MAP4K5: variants seen among roughly 807,000 people sequenced by gnomAD.
MAP4K5 encodes the protein mitogen-activated protein kinase kinase kinase kinase 5, also known as MAPK/ERK kinase kinase kinase 5.
In MAP4K5, 82 loss-of-function variants were observed where a neutral mutation model predicts 135.6. The observed-to-expected ratio is 0.60, with a 90% CI of 0.51 to 0.73. The LOEUF is 0.73. Among genes scored for constraint, MAP4K5 ranks in the 30% least tolerant of loss-of-function variants. MAP4K5 has a pLI of 0.00. For synonymous variants in MAP4K5, 347 were observed against 335.0 expected (o/e 1.04, Z -0.39); for missense variants, 907 against 1,010.9 (o/e 0.90, Z 1.39).
intron 2 of MAP4K5, among the ~76,000 whole-genome samples, chr14:50,512,438 GT>G (rs2037949371): frequency 6.6e-6 from 1 of 152,106 alleles, no homozygotes; most frequent in African/African-American, 2.4e-5. Context: ...AATAAAGATG[GT>G]GTTTTACAGT....
At chr14:50,557,422 T>C (rs982721430) in intron 1 of MAP4K5, among the ~76,000 whole-genome samples, 3 of 152,234 alleles carry the variant, frequency 2.0e-5, no homozygotes, top group African/African-American at 7.2e-5. Context: ...TTTCATATCC[T>C]TTCCTTTTTC....
chr14:50,456,553 C>T lies in MAP4K5; in HGVS notation c.978G>A (p.Arg326=). The change falls in exon 14 of 33, where the codon AGG becomes AGA. Residue 326 remains arginine, a synonymous_variant. Transcript: ENST00000682126. ...IIRHTIRSTN[R]NARAERTASE... is the part of the protein sequence containing the mutation. ...AAGCTGTCCGTTCAGCTCTGGCATTCCTGTTTGTAGATCTAATGGTATGAC... is the reference window on the plus strand; with the variant it reads ...AAGCTGTCCGTTCAGCTCTGGCATTTCTGTTTGTAGATCTAATGGTATGAC... 3.2e-6 allele frequency: 5 copies of T among 1,580,562 alleles called. No homozygotes were observed. The South Asian group carries it at 4.6e-5, about 15-fold the overall frequency.
chr14:50,423,541 G>A (rs945167903), intron 31 of MAP4K5, among the ~76,000 whole-genome samples: 4 of 151,926 alleles, frequency 2.6e-5, no homozygotes, highest in East Asian at 1.9e-4. Flanking sequence ...TCCTTTGGGG[G>A]CCAAGGCTTG....
intron 14 of MAP4K5, 100 bp downstream of exon 14, chr14:50,456,416 T>C: frequency 1.1e-6 from 1 of 872,310 alleles, no homozygotes; most frequent in Admixed American, 2.0e-5. Context: ...TGTTGAAGTA[T>C]GTAGCCTTAG....
chr14:50,487,007 C>T lies in MAP4K5; in HGVS notation c.167-813G>A, dbSNP rs572233968. ...TAGATAAATAAACAAAATCTTCACA[C>T]AAGTCAGAGATATTTTTTCCCTTTA... On this transcript the variant is annotated intron_variant, in intron 3 of 32. Transcript: ENST00000682126. 2.0e-5 allele frequency among the ~76,000 whole-genome samples: 3 copies of T among 152,306 alleles called. No homozygotes were observed. The South Asian group carries it at 6.2e-4, about 32-fold the overall frequency.
At chr14:50,557,667 T>G (rs572380398) in intron 1 of MAP4K5, among the ~76,000 whole-genome samples, 1 of 152,220 alleles carries the variant, frequency 6.6e-6, no homozygotes, top group Non-Finnish European at 1.5e-5. Flanking sequence ...ATGTTTATAT[T>G]TTCATACTAT....
intron 1 of MAP4K5, among the ~76,000 whole-genome samples, chr14:50,556,822 A>G (rs947328571): frequency 1.3e-5 from 2 of 152,200 alleles, no homozygotes; most frequent in African/African-American, 4.8e-5. Flanking sequence ...ATATATTGGT[A>G]CTCAATAACT....
intron 2 of MAP4K5, among the ~76,000 whole-genome samples, chr14:50,527,293 T>C (rs550239443): frequency 2.6e-5 from 4 of 152,128 alleles, no homozygotes; most frequent in Non-Finnish European, 4.4e-5. Flanking sequence ...TAAGCTGAGA[T>C]TGCGCCACCG....
At chr14:50,457,514 TG>T (rs2139785468) in intron 13 of MAP4K5, among the ~76,000 whole-genome samples, 1 of 152,260 alleles carries the variant, frequency 6.6e-6, no homozygotes, top group South Asian at 2.1e-4. Flanking sequence ...ACTCTCAAAG[TG>T]GCTCATTTGT....
At chr14:50,510,741 A>C (rs2037914720) in intron 2 of MAP4K5, among the ~76,000 whole-genome samples, 1 of 152,230 alleles carries the variant, frequency 6.6e-6, no homozygotes, top group Admixed American at 6.5e-5. Flanking sequence ...AAAATAATAT[A>C]AATCAGTGAA....
At chr14:50,443,850 C>T in intron 19 of MAP4K5, 80 bp from the exon 20 acceptor site, 1 of 1,476,904 alleles carries the variant, frequency 6.8e-7, no homozygotes, top group Non-Finnish European at 9.3e-7. Context: ...ACTTCTGTTA[C>T]TTGAATTACT....
chr14:50,526,941 A>G (rs1471835464), intron 2 of MAP4K5, among the ~76,000 whole-genome samples: 1 of 152,244 alleles, frequency 6.6e-6, no homozygotes, highest in Non-Finnish European at 1.5e-5. Flanking sequence ...TACGCAAATT[A>G]TAACATCATT....
At position 50,442,853 on chromosome 14, in the gene MAP4K5, T is replaced by G. The variant is rs779320421; in HGVS notation, c.1480-37A>C. ...AGAAAGAAATGTTAACTTATTTGATTAGAAAATTTTATATATTCTTGGAAA... is the reference window on the plus strand; with the variant it reads ...AGAAAGAAATGTTAACTTATTTGATGAGAAAATTTTATATATTCTTGGAAA... On this transcript the variant is annotated intron_variant, in intron 20 of 32. Transcript: ENST00000682126. The G allele has an allele frequency of 3.3e-6, 4 of 1,206,152 alleles. No homozygotes were observed. In the East Asian group the frequency reaches 7.3e-5, roughly 22 times the overall value. 74.7% of individuals were successfully genotyped at this position (1,206,152 alleles called of 1,614,324 possible).
upstream of MAP4K5, chr14:50,533,023 C>G (rs888374024): frequency 1.0e-4 from 16 of 152,574 alleles, no homozygotes; most frequent in African/African-American, 3.6e-4. Context: ...GCCAGGTTAA[C>G]TAAGTCCCGG....
At chr14:50,473,896 T>C (rs1476857526) in intron 9 of MAP4K5, among the ~76,000 whole-genome samples, 2 of 151,946 alleles carry the variant, frequency 1.3e-5, no homozygotes, top group East Asian at 3.9e-4. Flanking sequence ...GCTAATTTTT[T>C]TGTATTTTTA....
chr14:50,502,164 T>C (rs2037720010), intron 3 of MAP4K5, among the ~76,000 whole-genome samples: 1 of 152,138 alleles, frequency 6.6e-6, no homozygotes, highest in Admixed American at 6.6e-5. Context: ...TTATAGCCTA[T>C]GGCTCAAGGT....
intron 17 of MAP4K5, among the ~76,000 whole-genome samples, chr14:50,445,488 AGAAT>A (rs1478728125): frequency 2.0e-5 from 3 of 152,224 alleles, no homozygotes; most frequent in African/African-American, 7.2e-5. Flanking sequence ...TGTAGTCATA[AGAAT>A]GATAAATGAT....
At chr14:50,510,696 T>A (rs914426024) in intron 2 of MAP4K5, among the ~76,000 whole-genome samples, 9 of 152,174 alleles carry the variant, frequency 5.9e-5, no homozygotes, top group African/African-American at 2.2e-4. Flanking sequence ...TTGAAAAAAA[T>A]TACTACAAAA....
chr14:50,502,233 T>A (rs1333953241), intron 3 of MAP4K5, among the ~76,000 whole-genome samples: 1 of 152,164 alleles, frequency 6.6e-6, no homozygotes, highest in African/African-American at 2.4e-5. Context: ...AACTCCAGCA[T>A]AAATGGGTTA....
Sources: gnomAD v4.1 joint callset for allele counts (sites outside exome capture counted in the v4.1 genomes callset) on GRCh38, gnomAD v4.1.1 for gene constraint, MANE v1.5 for transcripts, NCBI Gene and HGNC (gene_info 2026-07-23, HGNC 2026-07-21) for gene names.